Variants in CNTNAP2 observed in about 807,000 individuals in gnomAD.
CNTNAP2 encodes the protein contactin associated protein 2, also known as contactin-associated protein-like 2.
A neutral mutation model predicts 155.2 loss-of-function variants in CNTNAP2; 98 were observed. That is an observed-to-expected ratio of 0.63 (90% CI 0.54 to 0.75). CNTNAP2 has a LOEUF of 0.75. CNTNAP2 is among the 30% of genes least tolerant of loss of function. The pLI is 0.00. For missense variants in CNTNAP2, 1,727 were observed against 1,688.1 expected (o/e 1.02, Z -0.40); for synonymous variants, 651 against 631.2 (o/e 1.03, Z -0.47).
At chr7:148,296,833 G>A (rs1165200733) in intron 21 of CNTNAP2, among the ~76,000 whole-genome samples, 3 of 152,106 alleles carry the variant, frequency 2.0e-5, no homozygotes, top group African/African-American at 4.8e-5. Flanking sequence ...GAACAAGACC[G>A]ACGAAAAAGT....
At chr7:146,476,655 C>A (rs1233734269) in intron 1 of CNTNAP2, among the ~76,000 whole-genome samples, 1 of 152,008 alleles carries the variant, frequency 6.6e-6, no homozygotes, top group Non-Finnish European at 1.5e-5. Flanking sequence ...TGAAGATAAT[C>A]TTTTTTGAAA....
chr7:148,064,689 A>AC (rs1803221082), intron 15 of CNTNAP2, among the ~76,000 whole-genome samples: 1 of 151,820 alleles, frequency 6.6e-6, no homozygotes, highest in South Asian at 2.1e-4. Flanking sequence ...AAAAAAAAAA[A>AC]AAAAAAAACT....
chr7:147,531,076 G>C (rs1158629717), intron 11 of CNTNAP2, among the ~76,000 whole-genome samples: 1 of 152,206 alleles, frequency 6.6e-6, no homozygotes, highest in Non-Finnish European at 1.5e-5. Context: ...AGGTCACGCT[G>C]ATGCAAGGGG....
intron 11 of CNTNAP2, among the ~76,000 whole-genome samples, chr7:147,555,185 G>T (rs1205579661): frequency 1.3e-5 from 2 of 152,118 alleles, no homozygotes; most frequent in Non-Finnish European, 2.9e-5. Context: ...ACTTATTTTT[G>T]AAAGCAAGAT....
chr7:146,343,054 C>T (rs145869606), intron 1 of CNTNAP2, among the ~76,000 whole-genome samples: 6 of 151,876 alleles, frequency 4.0e-5, no homozygotes, highest in Admixed American at 6.6e-5. Flanking sequence ...GTTTTTCAAA[C>T]GTTACTGTGT....
At chr7:148,105,930 G>C (rs1804205318) in intron 15 of CNTNAP2, among the ~76,000 whole-genome samples, 2 of 152,302 alleles carry the variant, frequency 1.3e-5, no homozygotes, top group Middle Eastern at 6.8e-3. Flanking sequence ...CTTTATCAAG[G>C]ATGAATTTGA....
chr7:146,597,135 A>G (rs963302274), intron 1 of CNTNAP2, among the ~76,000 whole-genome samples: 2 of 152,088 alleles, frequency 1.3e-5, no homozygotes, highest in African/African-American at 4.8e-5. Flanking sequence ...TATGTTCTGG[A>G]TAGAACTTCA....
chr7:147,159,333 T>C (rs1801983808), intron 8 of CNTNAP2, among the ~76,000 whole-genome samples: 1 of 152,078 alleles, frequency 6.6e-6, no homozygotes, highest in Non-Finnish European at 1.5e-5. Context: ...CATTCTTAAC[T>C]TTTATGTTTT....
chr7:148,026,180 G>A (rs549474830), intron 15 of CNTNAP2, among the ~76,000 whole-genome samples: 18 of 152,096 alleles, frequency 1.2e-4, no homozygotes, highest in South Asian at 1.0e-3. Flanking sequence ...CAGGTGTGGC[G>A]GCTCACACCT....
chr7:147,771,117 T>C (rs1380008885), intron 13 of CNTNAP2, among the ~76,000 whole-genome samples: 5 of 152,212 alleles, frequency 3.3e-5, no homozygotes, highest in African/African-American at 1.2e-4. Context: ...AACTATGTTT[T>C]AATAAATGAG....
intron 15 of CNTNAP2, among the ~76,000 whole-genome samples, chr7:148,116,653 C>T (rs1164984307): frequency 1.3e-5 from 2 of 152,064 alleles, no homozygotes; most frequent in African/African-American, 2.4e-5. Context: ...AAACAAACAG[C>T]ATTAATTAAA....
intron 1 of CNTNAP2, among the ~76,000 whole-genome samples, chr7:146,608,120 T>C (rs1799077756): frequency 6.6e-6 from 1 of 152,224 alleles, no homozygotes; most frequent in Non-Finnish European, 1.5e-5. Context: ...ACTAAACAAA[T>C]ACTTTATAAA....
intron 13 of CNTNAP2, among the ~76,000 whole-genome samples, chr7:147,880,894 T>TGTGTGTGTGTGTG (rs1563122073): frequency 1.0e-5 from 1 of 97,804 alleles, no homozygotes; most frequent in Admixed American, 1.1e-4. Flanking sequence ...TGTGTGTGTG[T>TGTGTGTGTGTGTG]TTCCAAGTAA....
chr7:146,279,736 A>G (rs1006361050), intron 1 of CNTNAP2, among the ~76,000 whole-genome samples: 1 of 152,028 alleles, frequency 6.6e-6, no homozygotes, highest in Non-Finnish European at 1.5e-5. Flanking sequence ...AGAAATGCTA[A>G]TTTAAACATG....
intron 13 of CNTNAP2, among the ~76,000 whole-genome samples, chr7:147,698,287 T>G (rs1387340302): frequency 6.6e-6 from 1 of 152,232 alleles, no homozygotes. Context: ...ATTTTTCAGT[T>G]ATGGCTTTAT....
At chr7:148,119,760 T>C (rs1348939694) in intron 16 of CNTNAP2, among the ~76,000 whole-genome samples, 1 of 152,174 alleles carries the variant, frequency 6.6e-6, no homozygotes, top group Non-Finnish European at 1.5e-5. Flanking sequence ...TTTGTGGGAT[T>C]GTGATGAGAA....
intron 8 of CNTNAP2, among the ~76,000 whole-genome samples, chr7:147,262,522 G>A (rs971389246): frequency 1.3e-5 from 2 of 152,090 alleles, no homozygotes; most frequent in Non-Finnish European, 2.9e-5. Context: ...CAGGGAGGCC[G>A]GGCCTGGCGC....
rs571757036 is a variant in CNTNAP2, at chr7:148,309,007, T to C, written c.3475+41881T>C. ...GGCATTTGGGTTGGTTCCAACTCTT[T>C]GCTATTGTGAATAGTGCCGCAATAA... is the stretch of plus-strand genomic sequence containing the variant. On this transcript the variant is annotated intron_variant, in intron 21 of 23. Coordinates refer to ENST00000361727, the MANE Select transcript of CNTNAP2 (RefSeq NM_014141.6). 5.9e-5 allele frequency among the ~76,000 whole-genome samples: 9 copies of C among 152,324 alleles called. No homozygotes were observed. In the South Asian group the frequency reaches 8.3e-4, roughly 14 times the overall value.
At chr7:146,448,856 C>G (rs1380767193) in intron 1 of CNTNAP2, among the ~76,000 whole-genome samples, 1 of 152,102 alleles carries the variant, frequency 6.6e-6, no homozygotes, top group Non-Finnish European at 1.5e-5. Flanking sequence ...TTATATCCGT[C>G]TGCTGGATGT....
Sources: gnomAD v4.1 joint callset for allele counts (sites outside exome capture counted in the v4.1 genomes callset) on GRCh38, gnomAD v4.1.1 for gene constraint, MANE v1.5 for transcripts, NCBI Gene and HGNC (gene_info 2026-07-23, HGNC 2026-07-21) for gene names.